The following FLACC1 variants were observed in gnomAD, a reference collection of about 807,000 sequenced individuals.
The protein encoded by FLACC1 is flagellum associated containing coiled-coil domains 1.
Under a neutral mutation model 62.8 loss-of-function variants are expected in FLACC1, and 66 were observed. The ratio of observed to expected loss-of-function variants is 1.05; its 90% CI spans 0.86 to 1.29. FLACC1 has a LOEUF of 1.29. Ranked by LOEUF, FLACC1 falls within the 50% of genes most tolerant of loss-of-function variation. The probability of loss-of-function intolerance (pLI) is 0.00; values close to 1 mark genes in which losing one functional copy is unlikely to be tolerated. For missense variants in FLACC1, 452 were observed against 489.1 expected, an observed-to-expected ratio of 0.92 and a Z score of 0.71; for synonymous variants, 156 against 161.0, an observed-to-expected ratio of 0.97 and a Z score of 0.24.
rs183702065 is a variant in FLACC1, at chr2:201,294,328, C to A, written c.943-4543G>T. ...CATCAAAAAGCTTATCCACCATGAT[C>A]AAGTGGGCTTCATCCCTGGGATGCA... On this transcript the variant is annotated intron_variant, in intron 12 of 14. Transcript: ENST00000392257. Among the ~76,000 whole-genome samples the A allele has an allele frequency of 2.4e-3, 363 of 152,338 alleles. 1 individual carries two copies. The highest frequency in any genetic ancestry group is 8.1e-3 in the African/African-American group (336 of 41,568).
At chr2:201,343,337 G>T (rs1376239869) in intron 6 of FLACC1, among the ~76,000 whole-genome samples, 2 of 152,188 alleles carry the variant, frequency 1.3e-5, no homozygotes, top group Non-Finnish European at 1.5e-5. Flanking sequence ...TATGCAAATT[G>T]TTTAACTTCC....
intron 11 of FLACC1, among the ~76,000 whole-genome samples, chr2:201,301,828 C>T (rs1490644836): frequency 1.3e-5 from 2 of 152,164 alleles, no homozygotes; most frequent in Admixed American, 1.3e-4. Context: ...TCATATCCAG[C>T]TAAACTAAGC....
At chr2:201,322,989 A>C (rs1233424489) in intron 9 of FLACC1, among the ~76,000 whole-genome samples, 2 of 152,166 alleles carry the variant, frequency 1.3e-5, no homozygotes, top group African/African-American at 4.8e-5. Flanking sequence ...TAGAAGAAAG[A>C]ATTTCAGAGC....
chr2:201,303,656 T>A (rs886103110), intron 11 of FLACC1, among the ~76,000 whole-genome samples: 9 of 152,194 alleles, frequency 5.9e-5, no homozygotes, highest in African/African-American at 2.2e-4. Context: ...ATATCCCTGA[T>A]GAACATCGAT....
At position 201,346,626 on chromosome 2, in the gene FLACC1, T is replaced by C; in HGVS notation, c.284A>G (p.Gln95Arg). ...CTCATCCCCTAAGGTGACAGAAATC[T>C]GTTCCCGATTCCGAACAAGTTGATA... Reference protein sequence around the residue: ...PGYQLVRNREQISVTLGDEMF... With the variant: ...PGYQLVRNRERISVTLGDEMF... Residue 95 changes from glutamine to arginine, a missense_variant, in exon 5 of 15, where the codon CAG (glutamine) becomes CGG (arginine). By Grantham distance (43) the Gln-to-Arg change is conservative. Around this residue, in one of 3 missense-constraint regions of FLACC1, gnomAD observed 147 missense variants for 152.7 expected, o/e 0.96. Transcript: ENST00000392257. This position sits in a 1 kb window ranked among gnomAD's most constrained non-coding sequence, Gnocchi z 4.0. The C allele has an allele frequency of 6.2e-7, 1 of 1,614,264 alleles. No homozygotes were observed. Among genetic ancestry groups the C allele is most frequent in the South Asian group, 1.1e-5 (1 of 91,092 alleles).
chr2:201,337,156 C>CT (rs1201842017), intron 7 of FLACC1, among the ~76,000 whole-genome samples: 40 of 152,188 alleles, frequency 2.6e-4, no homozygotes, highest in South Asian at 4.1e-4. Context: ...TCTCATTTGT[C>CT]TTTTTTTGTT....
At chr2:201,318,065 C>T (rs1010198679) in intron 9 of FLACC1, among the ~76,000 whole-genome samples, 7 of 152,142 alleles carry the variant, frequency 4.6e-5, no homozygotes, top group Non-Finnish European at 1.0e-4. Flanking sequence ...GAAACTGGAT[C>T]CTCATCTCTC....
At chr2:201,320,348 G>T (rs1450780078) in intron 9 of FLACC1, among the ~76,000 whole-genome samples, 3 of 152,252 alleles carry the variant, frequency 2.0e-5, no homozygotes, top group Non-Finnish European at 4.4e-5. Flanking sequence ...GCCAGTGCAG[G>T]AACTGGGTGC....
At chr2:201,296,940 G>A (rs1949878332) in intron 12 of FLACC1, among the ~76,000 whole-genome samples, 2 of 152,160 alleles carry the variant, frequency 1.3e-5, no homozygotes, top group South Asian at 2.1e-4. Flanking sequence ...TACTACAGTC[G>A]TGTAGGTGAG....
intron 1 of FLACC1, among the ~76,000 whole-genome samples, chr2:201,354,852 G>A (rs569411634): frequency 5.9e-5 from 9 of 152,282 alleles, no homozygotes; most frequent in Non-Finnish European, 1.0e-4. Context: ...ACTCCACTAT[G>A]GAGTGCTCTC....
At chr2:201,314,971 C>T (rs1456143070) in intron 9 of FLACC1, among the ~76,000 whole-genome samples, 1 of 152,126 alleles carries the variant, frequency 6.6e-6, no homozygotes, top group African/African-American at 2.4e-5. Context: ...CAGTCTTTTT[C>T]AGGCAAACAA....
intron 1 of FLACC1, among the ~76,000 whole-genome samples, chr2:201,355,419 G>C (rs374412591): frequency 2.6e-5 from 4 of 152,202 alleles, no homozygotes; most frequent in African/African-American, 9.6e-5. Context: ...CCAGAAAGCA[G>C]AGGTAAATTG....
chr2:201,350,246 A>G (rs535554348), intron 3 of FLACC1, among the ~76,000 whole-genome samples: 2 of 152,144 alleles, frequency 1.3e-5, no homozygotes, highest in East Asian at 1.9e-4. Context: ...TTACGTGGGC[A>G]TGGTAATGGG....
chr2:201,308,741 A>G (rs1950155694), intron 10 of FLACC1, among the ~76,000 whole-genome samples: 1 of 152,186 alleles, frequency 6.6e-6, no homozygotes, highest in African/African-American at 2.4e-5. Context: ...CTCTCAGTAT[A>G]ATGGATTGTG....
intron 7 of FLACC1, among the ~76,000 whole-genome samples, chr2:201,341,415 C>A (rs1950806722): frequency 6.8e-6 from 1 of 147,330 alleles, no homozygotes; most frequent in South Asian, 2.1e-4. Flanking sequence ...ATATATAAAT[C>A]ATATATATAT....
chr2:201,333,246 C>T (rs1950629071), intron 7 of FLACC1, among the ~76,000 whole-genome samples: 2 of 152,126 alleles, frequency 1.3e-5, no homozygotes, highest in Admixed American at 1.3e-4. Flanking sequence ...AATAGCTATT[C>T]TGATCCATGT....
intron 9 of FLACC1, among the ~76,000 whole-genome samples, chr2:201,322,551 A>G (rs1369925838): frequency 2.6e-5 from 4 of 152,194 alleles, no homozygotes; most frequent in Non-Finnish European, 5.9e-5. Flanking sequence ...CTTAAGTGGA[A>G]AAAAGAAATT....
At chr2:201,316,408 C>T (rs910130836) in intron 9 of FLACC1, among the ~76,000 whole-genome samples, 2 of 152,066 alleles carry the variant, frequency 1.3e-5, no homozygotes, top group Non-Finnish European at 2.9e-5. Flanking sequence ...TACAAGAGAT[C>T]ATTCAAGGCT....
chr2:201,322,699 C>T (rs1374908206), intron 9 of FLACC1, among the ~76,000 whole-genome samples: 1 of 152,086 alleles, frequency 6.6e-6, no homozygotes, highest in Non-Finnish European at 1.5e-5. Context: ...ATAACACCCT[C>T]AAAAGATAAC....
Sources: allele counts gnomAD v4.1 joint callset (sites outside exome capture counted in the v4.1 genomes callset), GRCh38; gene constraint gnomAD v4.1.1; regional missense constraint gnomAD v4.1.1; non-coding constraint Gnocchi (gnomAD v3.1); transcripts MANE v1.5; gene names NCBI Gene and HGNC (gene_info 2026-07-23, HGNC 2026-07-21).